Variants in MID2 observed in about 807,000 individuals in gnomAD.
MID2 encodes midline 2.
A neutral mutation model predicts 46.1 loss-of-function variants in MID2; 13 were observed. The observed-to-expected ratio is 0.28, with a 90% CI of 0.18 to 0.45. The LOEUF (loss-of-function observed/expected upper bound fraction) is 0.45. Among genes scored for constraint, MID2 ranks in the 20% least tolerant of loss-of-function variants. The pLI, the probability that MID2 is intolerant of heterozygous loss-of-function variation, is 1.00. For missense variants in MID2, 431 were observed against 575.4 expected (o/e 0.75, Z 2.57); for synonymous variants, 199 against 212.3 (o/e 0.94, Z 0.55).
rs1361709076 is a variant in MID2 at position 107,901,844 on chromosome X, A to G, written c.817-2114A>G. ...ATGGGGAAATGACTTTCCAAGTAAAATGACAATCTCGGGCAAAGGCACAGG... is the reference window on the plus strand; with the variant it reads ...ATGGGGAAATGACTTTCCAAGTAAAGTGACAATCTCGGGCAAAGGCACAGG... On this transcript the variant is annotated intron_variant, in intron 3 of 9. Coordinates refer to ENST00000262843, the MANE Select transcript of MID2 (RefSeq NM_012216.4). 9.8e-5 allele frequency among the ~76,000 whole-genome samples: 11 copies of G among 111,899 alleles called. No individual in the cohort carries two copies. The Admixed American group carries it at 1.0e-3, about 11-fold the overall frequency.
chrX:107,916,717 ATCTACTTTAT>A (rs1309285754), intron 6 of MID2, among the ~76,000 whole-genome samples: 4 of 112,897 alleles, frequency 3.5e-5, no homozygotes, highest in Non-Finnish European at 7.5e-5. Flanking sequence ...CTTATTGAAC[ATCTACTTTAT>A]TCTAGACACT....
At chrX:107,844,038 G>T (rs1334345032) in intron 2 of MID2, among the ~76,000 whole-genome samples, 2 of 111,066 alleles carry the variant, frequency 1.8e-5, no homozygotes, top group African/African-American at 6.6e-5. Context: ...TGATAACAGG[G>T]TTTATTTTTA....
chrX:107,890,366 A>G (rs1013624710), intron 3 of MID2, among the ~76,000 whole-genome samples: 1 of 111,231 alleles, frequency 9.0e-6, no homozygotes, highest in African/African-American at 3.3e-5. Flanking sequence ...GGCCTGTTGG[A>G]GTTTGTGGGA....
chrX:107,828,457 G>A (rs192676888), intron 1 of MID2, among the ~76,000 whole-genome samples: 101 of 109,332 alleles, frequency 9.2e-4, no homozygotes, highest in African/African-American at 3.3e-3. Context: ...GAACACAGGT[G>A]CATGCCACCA....
chrX:107,869,642 T>C (rs1932025440), intron 3 of MID2, among the ~76,000 whole-genome samples: 1 of 111,429 alleles, frequency 9.0e-6, no homozygotes, highest in Admixed American at 9.5e-5. Context: ...CTCTTTAATA[T>C]TTAGTTGTTT....
chrX:107,871,624 G>A (rs1173374794), intron 3 of MID2, among the ~76,000 whole-genome samples: 1 of 111,419 alleles, frequency 9.0e-6, no homozygotes, highest in African/African-American at 3.3e-5. Context: ...GATGGTCAAT[G>A]TGGGGGATTT....
intron 1 of MID2, among the ~76,000 whole-genome samples, chrX:107,831,132 C>G (rs1050819893): frequency 9.0e-6 from 1 of 111,287 alleles, no homozygotes; most frequent in African/African-American, 3.3e-5. Flanking sequence ...GTGGGATTCA[C>G]CTGAATACAC....
intron 3 of MID2, chrX:107,895,654 G>A (rs1221573234): frequency 8.9e-6 from 1 of 112,207 alleles, no homozygotes; most frequent in African/African-American, 3.2e-5. Context: ...AGGTTTTTGT[G>A]TGGACATAAA....
rs1051614528 is a variant in MID2, at chrX:107,928,851, T to C, written c.*1778T>C. Among the ~76,000 whole-genome samples, 5 of 112,200 alleles carry C rather than the reference T, an allele frequency of 4.5e-5. No homozygotes were observed. The highest frequency in any genetic ancestry group is 7.5e-5 in the Non-Finnish European group (4 of 53,155). On this transcript the variant is annotated 3_prime_UTR_variant, in exon 10 of 10. Coordinates refer to ENST00000262843, the MANE Select transcript of MID2 (RefSeq NM_012216.4). ...CTCAAAAATATAAATCTAGCAGCAA[T>C]GTCATCTTTTTTGATTTTAAATACC...
chrX:107,903,888 C>A, intron 3 of MID2, 70 bp from the exon 4 acceptor site: 1 of 755,893 alleles, frequency 1.3e-6, no homozygotes, highest in Non-Finnish European at 2.1e-6. Flanking sequence ...AGCTGTCAGT[C>A]CGAACCTTTT....
In MID2 at chrX:107,837,555, A is replaced by G. The variant is rs144372492; in HGVS notation, c.5-3115A>G. Among the ~76,000 whole-genome samples the G allele has an allele frequency of 3.0e-3, 331 of 109,901 alleles. 1 individual carries two copies. Among genetic ancestry groups the G allele is most frequent in the African/African-American group, 0.011 (317 of 30,098 alleles). On this transcript the variant is annotated intron_variant, in intron 1 of 9. Transcript: ENST00000262843. Reference sequence around the variant, plus strand: ...ATGCTGTTTAAAAAAAAAAAACTCTATAAACTATGTTAAATATACCAAAGT... The same window carrying G: ...ATGCTGTTTAAAAAAAAAAAACTCTGTAAACTATGTTAAATATACCAAAGT...
At chrX:107,891,903 A>G (rs1338719623) in intron 3 of MID2, among the ~76,000 whole-genome samples, 2 of 111,426 alleles carry the variant, frequency 1.8e-5, no homozygotes, top group African/African-American at 6.5e-5. Context: ...GTTGGGCTGG[A>G]ATCAGACTGT....
chrX:107,845,572 C>T (rs1031148593), intron 2 of MID2, among the ~76,000 whole-genome samples: 3 of 105,292 alleles, frequency 2.8e-5, no homozygotes, highest in African/African-American at 1.1e-4. Context: ...AAGACTGGGA[C>T]AGAGAAAGCT....
intron 5 of MID2, among the ~76,000 whole-genome samples, chrX:107,911,746 A>G (rs1056797644): frequency 1.8e-5 from 2 of 111,496 alleles, no homozygotes; most frequent in Non-Finnish European, 3.8e-5. Flanking sequence ...GAACTTTGCT[A>G]TAGGATTATA....
intron 2 of MID2, among the ~76,000 whole-genome samples, chrX:107,846,700 G>A (rs113254019): frequency 0.014 from 1,519 of 111,324 alleles, 26 homozygotes; most frequent in African/African-American, 0.047. Flanking sequence ...TTATTAACAG[G>A]ACCCTGTTTT....
At chrX:107,856,907 C>T (rs1396474751) in intron 3 of MID2, among the ~76,000 whole-genome samples, 2 of 111,917 alleles carry the variant, frequency 1.8e-5, no homozygotes, top group East Asian at 5.6e-4. Flanking sequence ...AAGCCACTGT[C>T]GGCTCTGGAT....
chrX:107,846,446 C>G (rs1240213207), intron 2 of MID2, among the ~76,000 whole-genome samples: 2 of 110,010 alleles, frequency 1.8e-5, no homozygotes, highest in Non-Finnish European at 3.8e-5. Context: ...CTAAACCAGC[C>G]TTCAACTCAA....
chrX:107,865,013 A>G (rs762072367), intron 3 of MID2, among the ~76,000 whole-genome samples: 37 of 112,535 alleles, frequency 3.3e-4, no homozygotes, highest in African/African-American at 1.0e-3. Flanking sequence ...AATGAAGTAC[A>G]TATGATTCTC....
intron 3 of MID2, among the ~76,000 whole-genome samples, chrX:107,860,006 C>G (rs1039074772): frequency 8.9e-6 from 1 of 111,770 alleles, no homozygotes; most frequent in African/African-American, 3.3e-5. Context: ...AGGTGAATAA[C>G]TGAATAAAAT....
Sources: gnomAD v4.1 joint callset for allele counts (sites outside exome capture counted in the v4.1 genomes callset) on GRCh38, gnomAD v4.1.1 for gene constraint, MANE v1.5 for transcripts, NCBI Gene and HGNC (gene_info 2026-07-23, HGNC 2026-07-21) for gene names.